PXDNL: variants seen among roughly 807,000 people sequenced by gnomAD.
PXDNL encodes peroxidasin like, also known as probable oxidoreductase PXDNL.
In PXDNL, 145 loss-of-function variants were observed where a neutral mutation model predicts 150.8. That is an observed-to-expected ratio of 0.96 (90% CI 0.84 to 1.10). The LOEUF is 1.10. Ranked by LOEUF, PXDNL falls within the 50% of genes least tolerant of loss-of-function variation. The probability of loss-of-function intolerance (pLI) is 0.00; values close to 1 mark genes in which losing one functional copy is unlikely to be tolerated. For synonymous variants in PXDNL, 757 were observed against 725.7 expected (o/e 1.04, Z -0.69); for missense variants, 2,087 against 1,873.9 (o/e 1.11, Z -2.10).
intron 1 of PXDNL, among the ~76,000 whole-genome samples, chr8:51,660,290 G>A (rs1585655532): frequency 6.6e-6 from 1 of 152,174 alleles, no homozygotes; most frequent in Non-Finnish European, 1.5e-5. Flanking sequence ...GTGTAGCTGA[G>A]ACTGAATGCA....
At chr8:51,603,880 G>A (rs1241575952) in intron 2 of PXDNL, among the ~76,000 whole-genome samples, 1 of 152,094 alleles carries the variant, frequency 6.6e-6, no homozygotes, top group African/African-American at 2.4e-5. Flanking sequence ...TCAGGAAACA[G>A]GGCAGTGACA....
At chr8:51,432,438 A>G (rs1307753520) in intron 12 of PXDNL, among the ~76,000 whole-genome samples, 1 of 152,224 alleles carries the variant, frequency 6.6e-6, no homozygotes, top group Non-Finnish European at 1.5e-5. Flanking sequence ...GTTTCCATCA[A>G]GAACTCTTCT....
chr8:51,665,994 T>C (rs994141444), intron 1 of PXDNL, among the ~76,000 whole-genome samples: 7 of 152,262 alleles, frequency 4.6e-5, no homozygotes, highest in Admixed American at 2.6e-4. Flanking sequence ...ATTTTTGCTT[T>C]ATCTCTTACA....
intron 21 of PXDNL, among the ~76,000 whole-genome samples, chr8:51,338,884 G>A (rs1476591641): frequency 6.6e-6 from 1 of 152,200 alleles, no homozygotes; most frequent in Non-Finnish European, 1.5e-5. Flanking sequence ...AGAGAAAACA[G>A]TACTTCCTAA....
At chr8:51,721,786 T>C in intron 1 of PXDNL, 2 of 378,678 alleles carry the variant, frequency 5.3e-6, no homozygotes, top group Non-Finnish European at 1.0e-5. Context: ...TACAGATAGT[T>C]TGGTGGAGCT....
At chr8:51,357,735 A>G (rs1456478929) in intron 19 of PXDNL, among the ~76,000 whole-genome samples, 1 of 152,150 alleles carries the variant, frequency 6.6e-6, no homozygotes, top group Non-Finnish European at 1.5e-5. Context: ...CTTTTTTTGG[A>G]GATTAACCAC....
At chr8:51,674,144 A>G (rs144149307) in intron 1 of PXDNL, among the ~76,000 whole-genome samples, 58 of 152,256 alleles carry the variant, frequency 3.8e-4, no homozygotes, top group African/African-American at 1.3e-3. Context: ...TTTCCTATGT[A>G]CTAGGAACAG....
At chr8:51,507,671 G>A (rs1811322176) in intron 4 of PXDNL, among the ~76,000 whole-genome samples, 1 of 152,184 alleles carries the variant, frequency 6.6e-6, no homozygotes, top group African/African-American at 2.4e-5. Context: ...GGTTTGCAGT[G>A]GTTTTCAGCT....
intron 20 of PXDNL, among the ~76,000 whole-genome samples, chr8:51,342,153 A>G (rs1806004963): frequency 6.6e-6 from 1 of 152,072 alleles, no homozygotes; most frequent in African/African-American, 2.4e-5. Context: ...ACAATAAAAT[A>G]AAATTAATAA....
At chr8:51,661,847 CTTT>C (rs5891426) in intron 1 of PXDNL, among the ~76,000 whole-genome samples, 2 of 140,580 alleles carry the variant, frequency 1.4e-5, no homozygotes, top group African/African-American at 5.2e-5. Context: ...TCTTTCTTTT[CTTT>C]TTTTTTTTTT....
In PXDNL at chr8:51,696,963, C is replaced by A. The variant is rs181247947; in HGVS notation, c.165-42203G>T. Among the ~76,000 whole-genome samples, 56 of 134,092 alleles carry A rather than the reference C, an allele frequency of 4.2e-4. No individual in the cohort carries two copies. The East Asian group carries it at 0.01, about 25-fold the overall frequency. The allele number at this position is 134,092 out of a possible 152,430, so 88.0% of individuals were successfully genotyped here. The stretch of plus-strand genomic sequence containing the variant: ...CCAATAAACACTAATAGATGCATCT[C>A]TCAGGAAAGTTATAGGTGAAGAAAG... On this transcript the variant is annotated intron_variant, in intron 1 of 22. Coordinates refer to ENST00000356297, the MANE Select transcript of PXDNL (RefSeq NM_144651.5).
intron 1 of PXDNL, among the ~76,000 whole-genome samples, chr8:51,678,817 T>C (rs1357284076): frequency 6.6e-6 from 1 of 152,124 alleles, no homozygotes; most frequent in East Asian, 1.9e-4. Context: ...TGTATACATA[T>C]GTAACTAACC....
rs1809100307 is a variant in PXDNL, at chr8:51,426,434, C to A, written c.1638+212G>T. ...CACCAGGCAAATTAGAAAGGATAAA[C>A]CTTATCAAAACACTGAACCAAAATC... On this transcript the variant is annotated intron_variant, in intron 13 of 22. Transcript: ENST00000356297. Among the ~76,000 whole-genome samples the A allele has an allele frequency of 2.0e-5, 3 of 151,070 alleles. No individual in the cohort carries two copies. In the South Asian group the frequency reaches 6.3e-4, roughly 32 times the overall value.
At chr8:51,323,846 G>A (rs144446258) in intron 21 of PXDNL, among the ~76,000 whole-genome samples, 50,483 of 150,920 alleles carry the variant, frequency 0.33, 10,045 homozygotes, top group African/African-American at 0.56. Flanking sequence ...AACCCAAGAG[G>A]TAGAAGTTGC....
chr8:51,592,508 G>A lies in PXDNL; in HGVS notation c.308+119C>T, dbSNP rs1417730659. On this transcript the variant is annotated intron_variant, in intron 3 of 22. Coordinates refer to ENST00000356297, the MANE Select transcript of PXDNL (RefSeq NM_144651.5). ...TGTTCATATGTGAGTTTTATATAAA[G>A]GTTGAAACTGCTTTTCACGAAGGTA... 9.3e-6 allele frequency: 6 copies of A among 647,778 alleles called. No individual in the cohort carries two copies. In the East Asian group the frequency reaches 1.2e-4, roughly 13 times the overall value. 40.1% of individuals were successfully genotyped at this position (647,778 alleles called of 1,614,324 possible).
At chr8:51,670,846 G>A (rs1453949616) in intron 1 of PXDNL, among the ~76,000 whole-genome samples, 1 of 152,140 alleles carries the variant, frequency 6.6e-6, no homozygotes, top group African/African-American at 2.4e-5. Context: ...GGCACTCCTG[G>A]CAAATTTAAC....
chr8:51,529,414 G>A (rs1270615125), intron 4 of PXDNL, among the ~76,000 whole-genome samples: 2 of 152,154 alleles, frequency 1.3e-5, no homozygotes, highest in African/African-American at 4.8e-5. Context: ...ATTGCCCACA[G>A]GTTATTACTC....
intron 19 of PXDNL, among the ~76,000 whole-genome samples, chr8:51,349,108 T>A (rs747660961): frequency 2.0e-4 from 31 of 151,812 alleles, no homozygotes; most frequent in Admixed American, 3.9e-4. Flanking sequence ...CGGCAACAGA[T>A]GTGGATGAAG....
chr8:51,552,642 A>G (rs868309178), intron 4 of PXDNL, among the ~76,000 whole-genome samples: 1 of 152,190 alleles, frequency 6.6e-6, no homozygotes, highest in African/African-American at 2.4e-5. Flanking sequence ...ATGCAAAGGC[A>G]TTAGAATTAT....
Sources: allele counts gnomAD v4.1 joint callset (sites outside exome capture counted in the v4.1 genomes callset), GRCh38; gene constraint gnomAD v4.1.1; transcripts MANE v1.5; gene names NCBI Gene and HGNC (gene_info 2026-07-23, HGNC 2026-07-21).